The following LHFPL6 variants were observed in gnomAD, a reference collection of about 807,000 sequenced individuals.
LHFPL6 encodes the protein LHFPL tetraspan subfamily member 6 protein.
In LHFPL6, 9 loss-of-function variants were observed where a neutral mutation model predicts 20.6. The ratio of observed to expected loss-of-function variants is 0.44; its 90% CI spans 0.26 to 0.76. The LOEUF (loss-of-function observed/expected upper bound fraction) is 0.76. Ranked by LOEUF, LHFPL6 falls within the 30% of genes least tolerant of loss-of-function variation. The pLI is 0.20. For missense variants in LHFPL6, 218 were observed against 253.5 expected (o/e 0.86, Z 0.95); for synonymous variants, 105 against 98.7 (o/e 1.06, Z -0.38).
At chr13:39,492,496 A>C (rs908129092) in intron 2 of LHFPL6, among the ~76,000 whole-genome samples, 2 of 152,200 alleles carry the variant, frequency 1.3e-5, no homozygotes, top group African/African-American at 4.8e-5. Flanking sequence ...TTTGGAATGT[A>C]TTCAAATAAA....
chr13:39,417,794 G>T (rs1871383429), intron 2 of LHFPL6, among the ~76,000 whole-genome samples: 1 of 152,312 alleles, frequency 6.6e-6, no homozygotes, highest in South Asian at 2.1e-4. Flanking sequence ...CAATTGACTG[G>T]GGTGGTGACA....
At chr13:39,477,698 C>A (rs1322897180) in intron 2 of LHFPL6, among the ~76,000 whole-genome samples, 1 of 152,182 alleles carries the variant, frequency 6.6e-6, no homozygotes, top group African/African-American at 2.4e-5. Flanking sequence ...AACATGATGT[C>A]TTTTGTTTGC....
intron 2 of LHFPL6, among the ~76,000 whole-genome samples, chr13:39,562,529 C>CACATAT (rs1871548802): frequency 8.6e-6 from 1 of 116,758 alleles, no homozygotes; most frequent in African/African-American, 3.0e-5. Flanking sequence ...TACACATATA[C>CACATAT]ACATATATAC....
intron 2 of LHFPL6, among the ~76,000 whole-genome samples, chr13:39,550,559 C>G (rs369129615): frequency 6.6e-6 from 1 of 151,998 alleles, no homozygotes; most frequent in African/African-American, 2.4e-5. Context: ...AATCATAATA[C>G]CTTTGAATTC....
At chr13:39,563,558 G>A (rs1363349167) in intron 2 of LHFPL6, among the ~76,000 whole-genome samples, 1 of 152,192 alleles carries the variant, frequency 6.6e-6, no homozygotes, top group African/African-American at 2.4e-5. Flanking sequence ...CAGCAGTATA[G>A]AGGCATTCTC....
At chr13:39,432,809 C>T (rs1235565146) in intron 2 of LHFPL6, among the ~76,000 whole-genome samples, 1 of 152,146 alleles carries the variant, frequency 6.6e-6, no homozygotes, top group Non-Finnish European at 1.5e-5. Flanking sequence ...TAGAACACTG[C>T]CTACCACATA....
At chr13:39,512,508 A>T (rs1869750346) in intron 2 of LHFPL6, among the ~76,000 whole-genome samples, 1 of 151,100 alleles carries the variant, frequency 6.6e-6, no homozygotes, top group African/African-American at 2.4e-5. Context: ...AGGCTGAGGC[A>T]GGAGAATGGC....
At chr13:39,484,282 G>A (rs1376981400) in intron 2 of LHFPL6, among the ~76,000 whole-genome samples, 1 of 152,138 alleles carries the variant, frequency 6.6e-6, no homozygotes, top group African/African-American at 2.4e-5. Flanking sequence ...TCCTCTCTTA[G>A]CAGTCATCAG....
intron 2 of LHFPL6, among the ~76,000 whole-genome samples, chr13:39,430,499 A>T (rs1871764400): frequency 6.6e-6 from 1 of 152,210 alleles, no homozygotes; most frequent in Non-Finnish European, 1.5e-5. Flanking sequence ...TCTGAGTGCA[A>T]ATCTTCATCT....
intron 2 of LHFPL6, among the ~76,000 whole-genome samples, chr13:39,402,201 T>A (rs2138379903): frequency 6.6e-6 from 1 of 152,296 alleles, no homozygotes; most frequent in Non-Finnish European, 1.5e-5. Flanking sequence ...CATGTTTCTT[T>A]TGCTTTTTTA....
chr13:39,484,446 T>C (rs754853731), intron 2 of LHFPL6, among the ~76,000 whole-genome samples: 1 of 152,150 alleles, frequency 6.6e-6, no homozygotes, highest in Non-Finnish European at 1.5e-5. Flanking sequence ...TTTTTTTCAA[T>C]AAACATGATC....
intron 2 of LHFPL6, among the ~76,000 whole-genome samples, chr13:39,561,060 C>T (rs932774608): frequency 6.6e-6 from 1 of 151,902 alleles, no homozygotes; most frequent in Non-Finnish European, 1.5e-5. Flanking sequence ...CAGCCGGGGT[C>T]CACATCCATG....
At chr13:39,371,798 G>A (rs554373357) in intron 3 of LHFPL6, among the ~76,000 whole-genome samples, 5 of 152,276 alleles carry the variant, frequency 3.3e-5, no homozygotes, top group South Asian at 2.1e-4. Context: ...TAAGAAGCAC[G>A]TGGCATTCCC....
At chr13:39,509,283 GT>G (rs1485610318) in intron 2 of LHFPL6, among the ~76,000 whole-genome samples, 2 of 152,000 alleles carry the variant, frequency 1.3e-5, no homozygotes, top group African/African-American at 4.8e-5. Flanking sequence ...TATCGGGTAT[GT>G]GATTTGCAAA....
In LHFPL6 at chr13:39,516,355, C is replaced by T. The variant is rs574181623; in HGVS notation, c.385+84477G>A. On this transcript the variant is annotated intron_variant, in intron 2 of 3. Coordinates refer to ENST00000379589, the MANE Select transcript of LHFPL6 (RefSeq NM_005780.3). ...CAGTCTATGACTTATCATTCCACTC[C>T]GCTCAAGCGTCCAAGTGGTGAGCCG... 8.5e-5 allele frequency among the ~76,000 whole-genome samples: 13 copies of T among 152,370 alleles called. No homozygotes were observed. The South Asian group carries it at 1.2e-3, about 15-fold the overall frequency.
chr13:39,516,516 A>G (rs1869923334), intron 2 of LHFPL6, among the ~76,000 whole-genome samples: 1 of 152,214 alleles, frequency 6.6e-6, no homozygotes, highest in East Asian at 1.9e-4. Flanking sequence ...GGACATGCAG[A>G]CTTCCCATAA....
intron 2 of LHFPL6, among the ~76,000 whole-genome samples, chr13:39,470,951 T>C (rs1308343165): frequency 6.6e-6 from 1 of 152,222 alleles, no homozygotes; most frequent in African/African-American, 2.4e-5. Context: ...CAATATTCAG[T>C]GGACATCCAC....
chr13:39,542,862 G>T (rs1023361460), intron 2 of LHFPL6, among the ~76,000 whole-genome samples: 2 of 152,140 alleles, frequency 1.3e-5, no homozygotes, highest in African/African-American at 4.8e-5. Flanking sequence ...CAAAATATAC[G>T]TAACATAAAA....
intron 3 of LHFPL6, among the ~76,000 whole-genome samples, chr13:39,377,387 CT>C (rs1232027741): frequency 6.6e-6 from 1 of 152,088 alleles, no homozygotes; most frequent in Non-Finnish European, 1.5e-5. Context: ...AAATACATTT[CT>C]TTTCCCATAC....
Sources: gnomAD v4.1 joint callset for allele counts (sites outside exome capture counted in the v4.1 genomes callset) on GRCh38, gnomAD v4.1.1 for gene constraint, MANE v1.5 for transcripts, NCBI Gene and HGNC (gene_info 2026-07-23, HGNC 2026-07-21) for gene names.